MYO5C: variants seen among roughly 807,000 people sequenced by gnomAD.
MYO5C encodes myosin VC.
MYO5C carries 194 observed loss-of-function variants against 235.7 expected under a neutral mutation model. That is an observed-to-expected ratio of 0.82 (90% CI 0.73 to 0.93). MYO5C has a LOEUF of 0.93. Among genes scored for constraint, MYO5C ranks in the 40% least tolerant of loss-of-function variants. MYO5C has a pLI of 0.00. For missense variants in MYO5C, 2,038 were observed against 2,127.2 expected, an observed-to-expected ratio of 0.96 and a Z score of 0.82; for synonymous variants, 707 against 754.8, an observed-to-expected ratio of 0.94 and a Z score of 1.04.
At position 52,290,505 on chromosome 15, in the gene MYO5C, G is replaced by A. The variant is rs1596239769; in HGVS notation, c.27+5105C>T. On this transcript the variant is annotated intron_variant, in intron 1 of 40. Coordinates refer to ENST00000261839, the MANE Select transcript of MYO5C (RefSeq NM_018728.4). Reference sequence around the variant, plus strand: ...CACATCTGAGTTTCAGCAGAACTTTGAAGATATTTGTGAGTTCCTCTTGCA... The same window carrying A: ...CACATCTGAGTTTCAGCAGAACTTTAAAGATATTTGTGAGTTCCTCTTGCA... Among the ~76,000 whole-genome samples, 2 of 151,934 alleles carry A rather than the reference G, an allele frequency of 1.3e-5. 1 individual carries two copies. The highest frequency in any genetic ancestry group is 4.2e-4 in the South Asian group (2 of 4,802).
chr15:52,281,896 C>A (rs1232585518), intron 2 of MYO5C, among the ~76,000 whole-genome samples: 1 of 152,218 alleles, frequency 6.6e-6, no homozygotes, highest in African/African-American at 2.4e-5. Context: ...CCCAGACCCA[C>A]CTCTGGGATC....
chr15:52,285,297 G>C lies in MYO5C; in HGVS notation c.28-2405C>G, dbSNP rs562085130. 5.0e-3 allele frequency among the ~76,000 whole-genome samples: 758 copies of C among 152,058 alleles called. 4 individuals carry two copies. The highest frequency in any genetic ancestry group is 0.019 in the South Asian group (92 of 4,798). On this transcript the variant is annotated intron_variant, in intron 1 of 40. Transcript: ENST00000261839. The stretch of plus-strand genomic sequence containing the variant: ...GCAGGATAATCGCTTGAACCCAGGA[G>C]GTGGAGGTTGCAGTGAGCCGAGATC...
At chr15:52,255,151 T>C (rs547443071) in intron 11 of MYO5C, among the ~76,000 whole-genome samples, 1 of 152,340 alleles carries the variant, frequency 6.6e-6, no homozygotes, top group Non-Finnish European at 1.5e-5. Context: ...TTCTGACACA[T>C]ACATACAATG....
At position 52,216,873 on chromosome 15, in the gene MYO5C, G is replaced by C. The variant is rs74015633; in HGVS notation, c.3954+1646C>G. Among the ~76,000 whole-genome samples, 1,164 of 152,310 alleles carry C rather than the reference G, an allele frequency of 7.6e-3. 13 individuals are homozygous for C. Among genetic ancestry groups the C allele is most frequent in the African/African-American group, 0.027 (1,128 of 41,568 alleles). ...ACAGATGGAAAAGAACACAGAGACAGGGAGAAGGCCAGGTGCAGAGAGGCA... is the reference window on the plus strand; with the variant it reads ...ACAGATGGAAAAGAACACAGAGACACGGAGAAGGCCAGGTGCAGAGAGGCA... On this transcript the variant is annotated intron_variant, in intron 32 of 40. Coordinates refer to ENST00000261839, the MANE Select transcript of MYO5C (RefSeq NM_018728.4).
rs1389951542 is a variant in MYO5C at position 52,211,801 on chromosome 15, A to G, written c.4225T>C (p.Ser1409Pro). 6.2e-7 allele frequency: 1 copy of G among 1,614,188 alleles called. No individual in the cohort carries two copies. Among genetic ancestry groups the G allele is most frequent in the South Asian group, 1.1e-5 (1 of 91,076 alleles). ...TTCAGCATGTTGGCATCATTCAGAGAGTCTGCGTAGCGCACACACATGAAC... is the reference window on the plus strand; with the variant it reads ...TTCAGCATGTTGGCATCATTCAGAGGGTCTGCGTAGCGCACACACATGAAC... ...ILFMCVRYADSLNDANMLKSL... is the reference protein window; with the variant it reads ...ILFMCVRYADPLNDANMLKSL... The change falls in exon 35 of 41, where the codon TCT becomes CCT. Residue 1409 changes from serine (S) to proline (P), a missense_variant. Coordinates refer to ENST00000261839, the MANE Select transcript of MYO5C (RefSeq NM_018728.4).
chr15:52,208,462 G>T, intron 36 of MYO5C, 92 bp downstream of exon 36: 1 of 1,135,314 alleles, frequency 8.8e-7, no homozygotes, highest in Non-Finnish European at 1.3e-6. Flanking sequence ...GCCTCCTGGT[G>T]GAGAGGATAG....
intron 19 of MYO5C, 134 bp from the exon 20 acceptor site, chr15:52,242,347 G>A (rs2036244726): frequency 2.0e-6 from 2 of 996,392 alleles, no homozygotes; most frequent in Non-Finnish European, 2.9e-6. Flanking sequence ...TAAACTCTGT[G>A]GGCAGTTTAT....
In MYO5C at chr15:52,253,362, A is replaced by G. The variant is rs1269127035; in HGVS notation, c.1491T>C (p.Ile497=). Residue 497 remains isoleucine, a synonymous_variant, in exon 12 of 41, where the codon ATT becomes ATC. Coordinates refer to ENST00000261839, the MANE Select transcript of MYO5C (RefSeq NM_018728.4). ...FYDNQPVIDL[I]EAKMGILELL... is the part of the protein sequence containing the mutation. ...ACTCCAGAATTCCCATTTTTGCTTCAATCAGGTCAATAACTGGTTGATTGT... is the reference window on the plus strand; with the variant it reads ...ACTCCAGAATTCCCATTTTTGCTTCGATCAGGTCAATAACTGGTTGATTGT... The G allele has an allele frequency of 3.1e-6, 5 of 1,612,986 alleles. No homozygotes were observed. In the East Asian group the frequency reaches 1.1e-4, roughly 36 times the overall value.
intron 1 of MYO5C, among the ~76,000 whole-genome samples, chr15:52,286,177 A>T (rs1394073697): frequency 2.1e-5 from 3 of 146,156 alleles, no homozygotes; most frequent in Admixed American, 2.0e-4. Context: ...GTCTGGGAGG[A>T]GAAGAGTGTC....
intron 37 of MYO5C, 83 bp from the exon 38 acceptor site, chr15:52,205,230 G>A (rs2035283696): frequency 6.9e-7 from 1 of 1,459,552 alleles, no homozygotes; most frequent in Non-Finnish European, 9.3e-7. Flanking sequence ...TGTTTCAGGA[G>A]ATGGGACATT....
chr15:52,286,268 T>TGG (rs1239176449), intron 1 of MYO5C, among the ~76,000 whole-genome samples: 3 of 118,866 alleles, frequency 2.5e-5, no homozygotes, highest in African/African-American at 9.7e-5. Flanking sequence ...GGGAGGGAGG[T>TGG]GGGGGTCAGC....
intron 19 of MYO5C, chr15:52,242,442 C>G: frequency 4.1e-6 from 2 of 487,944 alleles, no homozygotes; most frequent in Non-Finnish European, 7.4e-6. Flanking sequence ...TCAGGCCAGT[C>G]GATTCACCTC....
intron 37 of MYO5C, chr15:52,205,525 G>C (rs2035292790): frequency 3.1e-6 from 1 of 324,732 alleles, no homozygotes; most frequent in Non-Finnish European, 5.6e-6. Context: ...AAAAATACTT[G>C]GCTACGCCAA....
chr15:52,231,973 A>G lies in MYO5C; in HGVS notation c.3026+649T>C, dbSNP rs541619737. On this transcript the variant is annotated intron_variant, in intron 24 of 40. Transcript: ENST00000261839. ...CTTTTGGGATAAAAGACAAACTAAC[A>G]AGGACAATAGGTGGGGAAGGAAAGG... is the stretch of plus-strand genomic sequence containing the variant. Among the ~76,000 whole-genome samples the G allele has an allele frequency of 6.6e-5, 10 of 152,190 alleles. No individual in the cohort carries two copies. In the South Asian group the frequency reaches 2.1e-3, roughly 32 times the overall value.
rs968981830 is a variant in MYO5C at position 52,193,621 on chromosome 15, C to T, written c.*281G>A. On this transcript the variant is annotated 3_prime_UTR_variant, in exon 41 of 41. Coordinates refer to ENST00000261839, the MANE Select transcript of MYO5C (RefSeq NM_018728.4). The stretch of plus-strand genomic sequence containing the variant: ...ACAAGACAGAACAGATCAAGAGGCA[C>T]GTGGAAGAAAATATGAGCCCTCCAG... 5 of 364,906 alleles carry T rather than the reference C, an allele frequency of 1.4e-5. No homozygotes were observed. The highest frequency in any genetic ancestry group is 2.8e-5 in the South Asian group (1 of 35,886). The allele number at this position is 364,906 out of a possible 1,614,324, so 22.6% of individuals were successfully genotyped here.
intron 8 of MYO5C, among the ~76,000 whole-genome samples, chr15:52,266,743 T>C (rs2036821080): frequency 6.6e-6 from 1 of 152,170 alleles, no homozygotes; most frequent in Non-Finnish European, 1.5e-5. Context: ...ACCCACAGCG[T>C]TCATGAGGCC....
chr15:52,253,161 G>A, intron 12 of MYO5C, among the ~76,000 whole-genome samples, 156 bp downstream of exon 12: 1 of 152,180 alleles, frequency 6.6e-6, no homozygotes, highest in Admixed American at 6.5e-5. Context: ...GGGCCCTCTG[G>A]GGTCCCTGCT....
chr15:52,223,528 CT>C lies in MYO5C; in HGVS notation c.3627+15del. On this transcript the variant is annotated intron_variant, in intron 29 of 40. Coordinates refer to ENST00000261839, the MANE Select transcript of MYO5C (RefSeq NM_018728.4). ...AGTATGATGGCCACGACTGGGGCCCCTGGCTGAGACCATACCATGTTCTCTG... is the reference window on the plus strand; with the variant it reads ...AGTATGATGGCCACGACTGGGGCCCCGGCTGAGACCATACCATGTTCTCTG... The C allele has an allele frequency of 6.2e-7, 1 of 1,606,560 alleles. No homozygotes were observed. Among genetic ancestry groups the C allele is most frequent in the Non-Finnish European group, 8.5e-7 (1 of 1,175,804 alleles).
At chr15:52,195,350 TA>T in intron 40 of MYO5C, 26 bp downstream of exon 40, 4 of 1,510,138 alleles carry the variant, frequency 2.6e-6, no homozygotes, top group Non-Finnish European at 3.7e-6. Flanking sequence ...GAAGTAAAAT[TA>T]AAAGGCACAT....
Sources: gnomAD v4.1 joint callset for allele counts (sites outside exome capture counted in the v4.1 genomes callset) on GRCh38, gnomAD v4.1.1 for gene constraint, MANE v1.5 for transcripts, NCBI Gene and HGNC (gene_info 2026-07-23, HGNC 2026-07-21) for gene names.